PCSK2: variants seen among roughly 807,000 people sequenced by gnomAD.
PCSK2 encodes the protein neuroendocrine convertase 2.
Under a neutral mutation model 69.7 loss-of-function variants are expected in PCSK2, and 14 were observed. That is an observed-to-expected ratio of 0.20 (90% CI 0.13 to 0.31). PCSK2 has a LOEUF of 0.31. Ranked by LOEUF, PCSK2 falls within the 10% of genes least tolerant of loss-of-function variation. The pLI is 1.00. For synonymous variants in PCSK2, 307 were observed against 320.7 expected (o/e 0.96, Z 0.46); for missense variants, 544 against 842.5 (o/e 0.65, Z 4.39).
chr20:17,266,451 C>T (rs1213664659), intron 2 of PCSK2, among the ~76,000 whole-genome samples: 1 of 152,222 alleles, frequency 6.6e-6, no homozygotes, highest in East Asian at 1.9e-4. Flanking sequence ...TGTATTGAGA[C>T]ACAATATCAG....
intron 2 of PCSK2, among the ~76,000 whole-genome samples, chr20:17,304,740 C>T (rs1266176032): frequency 2.0e-5 from 3 of 152,134 alleles, no homozygotes; most frequent in Non-Finnish European, 4.4e-5. Context: ...TACAATTGAG[C>T]TTATGATTCA....
intron 2 of PCSK2, among the ~76,000 whole-genome samples, chr20:17,323,997 T>C (rs1201550313): frequency 1.3e-5 from 2 of 152,166 alleles, no homozygotes; most frequent in Non-Finnish European, 2.9e-5. Context: ...CCTCAACCAA[T>C]GATTGATGGG....
At chr20:17,320,517 A>T (rs1989831354) in intron 2 of PCSK2, among the ~76,000 whole-genome samples, 1 of 152,236 alleles carries the variant, frequency 6.6e-6, no homozygotes, top group Non-Finnish European at 1.5e-5. Context: ...AGGAAGTGAG[A>T]CAGGAAAGGG....
chr20:17,320,688 C>G (rs1404684981), intron 2 of PCSK2, among the ~76,000 whole-genome samples: 4 of 152,194 alleles, frequency 2.6e-5, no homozygotes, highest in Non-Finnish European at 2.9e-5. Flanking sequence ...CTGTCAGAGA[C>G]CGCTGGAGGG....
At chr20:17,236,952 G>A (rs565281138) in intron 1 of PCSK2, among the ~76,000 whole-genome samples, 1 of 152,248 alleles carries the variant, frequency 6.6e-6, no homozygotes, top group Non-Finnish European at 1.5e-5. Flanking sequence ...GACACTGCTA[G>A]TAGACATGAG....
At chr20:17,266,562 G>A (rs6136041) in intron 2 of PCSK2, among the ~76,000 whole-genome samples, 76,832 of 152,010 alleles carry the variant, frequency 0.51, 19,590 homozygotes, top group East Asian at 0.66. Context: ...TCTTCTAGGA[G>A]AAATTAAACA....
chr20:17,281,772 C>T (rs1159845712), intron 2 of PCSK2, among the ~76,000 whole-genome samples: 1 of 152,120 alleles, frequency 6.6e-6, no homozygotes, highest in East Asian at 1.9e-4. Flanking sequence ...GTTCTGATAC[C>T]TTTTCTTGCA....
intron 2 of PCSK2, among the ~76,000 whole-genome samples, chr20:17,356,052 G>A (rs758621422): frequency 1.6e-4 from 24 of 152,032 alleles, no homozygotes; most frequent in Middle Eastern, 3.2e-3. Context: ...ACATGTGTGT[G>A]TGCATATATA....
intron 2 of PCSK2, among the ~76,000 whole-genome samples, chr20:17,345,166 CA>C (rs1990616824): frequency 6.6e-6 from 1 of 152,108 alleles, no homozygotes; most frequent in Admixed American, 6.5e-5. Context: ...TGCGTGTGCT[CA>C]GGGGAGGTGA....
At position 17,450,017 on chromosome 20, in the gene PCSK2, C is replaced by CTTTTTTTTTTTTT. The variant is rs61156656; in HGVS notation, c.886-3707_886-3695dup. On this transcript the variant is annotated intron_variant, in intron 8 of 11. Coordinates refer to ENST00000262545, the MANE Select transcript of PCSK2 (RefSeq NM_002594.5). ...TTTTTAAGTTTGTTGAATTTCTTCC[C>CTTTTTTTTTTTTT]TTTTTTTTTTTTTTTTTTTTTTTTT... Among the ~76,000 whole-genome samples the CTTTTTTTTTTTTT allele has an allele frequency of 6.3e-4, 39 of 61,836 alleles. 7 individuals are homozygous for CTTTTTTTTTTTTT. The highest frequency in any genetic ancestry group is 1.0e-3 in the Non-Finnish European group (36 of 34,976). The allele number at this position is 61,836 out of a possible 152,430, so 40.6% of individuals were successfully genotyped here.
At chr20:17,254,056 G>A (rs904787683) in intron 1 of PCSK2, among the ~76,000 whole-genome samples, 2 of 151,958 alleles carry the variant, frequency 1.3e-5, no homozygotes, top group African/African-American at 4.8e-5. Context: ...TTTTTAATTG[G>A]ATTTCTTGAA....
rs1334098478 is a variant in PCSK2 at position 17,369,258 on chromosome 20, C to T, written c.524C>T (p.Pro175Leu). ...TTCACAGGGATTGACTATCTCCACC[C>T]GGACCTGGCCTCCAACTATGTAAGT... ...IMDDGIDYLH[P>L]DLASNYNAEA... The change falls in exon 5 of 12, where the codon CCG becomes CTG. Residue 175 changes from proline (P) to leucine (L), a missense_variant. Physicochemically the swap from Pro to Leu is moderately conservative, Grantham distance 98. This residue lies in a region of PCSK2 where 187 missense variants were observed against 399.8 expected (regional missense o/e 0.47). Coordinates refer to ENST00000262545, the MANE Select transcript of PCSK2 (RefSeq NM_002594.5). 7 of 1,613,738 alleles carry T rather than the reference C, an allele frequency of 4.3e-6. No individual in the cohort carries two copies. Among genetic ancestry groups the T allele is most frequent in the Admixed American group, 1.7e-5 (1 of 59,986 alleles).
At chr20:17,335,541 G>A (rs988440772) in intron 2 of PCSK2, among the ~76,000 whole-genome samples, 2 of 151,250 alleles carry the variant, frequency 1.3e-5, no homozygotes, top group African/African-American at 4.9e-5. Flanking sequence ...GGTGGTGTTT[G>A]TTTACATGAA....
At chr20:17,253,752 G>A (rs1568570983) in intron 1 of PCSK2, among the ~76,000 whole-genome samples, 1 of 152,152 alleles carries the variant, frequency 6.6e-6, no homozygotes, top group African/African-American at 2.4e-5. Flanking sequence ...CATATGACAA[G>A]TCTATATGTT....
At chr20:17,249,748 A>C (rs1450411711) in intron 1 of PCSK2, among the ~76,000 whole-genome samples, 1 of 152,198 alleles carries the variant, frequency 6.6e-6, no homozygotes, top group Admixed American at 6.5e-5. Flanking sequence ...AGGCACCAAC[A>C]GTCAAATACT....
Position 17,429,468 on chromosome 20 carries a change from T to C in PCSK2, c.654T>C (p.Ala218=), listed in dbSNP as rs2032319945. 1 of 1,614,052 alleles carries C rather than the reference T, an allele frequency of 6.2e-7. No individual in the cohort carries two copies. The highest frequency in any genetic ancestry group is 8.5e-7 in the Non-Finnish European group (1 of 1,179,938). ...HGTRCAGEVS[A]AANNNICGVG... is the part of the protein sequence containing the mutation. Reference sequence around the variant, plus strand: ...CCCGATGTGCAGGAGAAGTTTCTGCTGCCGCCAACAACAATATCTGTGGAG... The same window carrying C: ...CCCGATGTGCAGGAGAAGTTTCTGCCGCCGCCAACAACAATATCTGTGGAG... The change falls in exon 7 of 12, where the codon GCT becomes GCC. Residue 218 remains alanine, a synonymous_variant. Transcript: ENST00000262545.
intron 1 of PCSK2, among the ~76,000 whole-genome samples, chr20:17,257,870 A>G (rs1318467491): frequency 6.6e-6 from 1 of 152,188 alleles, no homozygotes; most frequent in Non-Finnish European, 1.5e-5. Flanking sequence ...AAAGCCTTCA[A>G]TGGACATCTT....
At chr20:17,407,574 T>C (rs896805638) in intron 5 of PCSK2, among the ~76,000 whole-genome samples, 1 of 102,778 alleles carries the variant, frequency 9.7e-6, no homozygotes, top group African/African-American at 4.7e-5. Flanking sequence ...CAAAATAGTA[T>C]CTCTGAAAAA....
chr20:17,333,910 CAT>C (rs3076241), intron 2 of PCSK2, among the ~76,000 whole-genome samples: 3,824 of 86,270 alleles, frequency 0.044, 405 homozygotes, highest in African/African-American at 0.13. Context: ...TAAGTCACTG[CAT>C]ATATATATAT....
Sources: gnomAD v4.1 joint callset for allele counts (sites outside exome capture counted in the v4.1 genomes callset) on GRCh38, gnomAD v4.1.1 for gene constraint, gnomAD v4.1.1 regional missense constraint, MANE v1.5 for transcripts, NCBI Gene and HGNC (gene_info 2026-07-23, HGNC 2026-07-21) for gene names.